Variants in TSHZ2 observed in about 807,000 individuals in gnomAD.
TSHZ2 encodes the protein teashirt zinc finger homeobox 2, also known as teashirt homolog 2.
A neutral mutation model predicts 74.4 loss-of-function variants in TSHZ2; 21 were observed. The observed-to-expected ratio is 0.28, with a 90% CI of 0.20 to 0.41. The LOEUF (loss-of-function observed/expected upper bound fraction) is 0.41, where lower values mean the gene tolerates loss of function less well. Among genes scored for constraint, TSHZ2 ranks in the 10% least tolerant of loss-of-function variants. TSHZ2 has a pLI of 1.00. For synonymous variants in TSHZ2, 540 were observed against 515.3 expected, an observed-to-expected ratio of 1.05 and a Z score of -0.65; for missense variants, 1,244 against 1,293.5, an observed-to-expected ratio of 0.96 and a Z score of 0.59.
chr20:53,419,970 GTCTC>G (rs1443928272), intron 2 of TSHZ2, among the ~76,000 whole-genome samples: 1 of 152,204 alleles, frequency 6.6e-6, no homozygotes, highest in African/African-American at 2.4e-5. Flanking sequence ...GCCCCTCTCT[GTCTC>G]TCTGCACCGT....
intron 2 of TSHZ2, among the ~76,000 whole-genome samples, chr20:53,466,072 C>A (rs915878692): frequency 6.6e-6 from 1 of 151,444 alleles, no homozygotes; most frequent in African/African-American, 2.4e-5. Flanking sequence ...GATGGTGAAA[C>A]CCCGTCTCTA....
chr20:53,079,430 A>C (rs907625085), intron 1 of TSHZ2, among the ~76,000 whole-genome samples: 3 of 152,238 alleles, frequency 2.0e-5, no homozygotes, highest in Admixed American at 6.5e-5. Flanking sequence ...GGAAGAGGTT[A>C]ATCTGCAGAG....
At chr20:53,147,584 G>T (rs1266444633) in intron 1 of TSHZ2, among the ~76,000 whole-genome samples, 1 of 152,142 alleles carries the variant, frequency 6.6e-6, no homozygotes, top group African/African-American at 2.4e-5. Context: ...TTGATTGTTG[G>T]TTGCCATATC....
Position 53,254,742 on chromosome 20 carries a change from A to C in TSHZ2, c.1284A>C (p.Lys428Asn). Residue 428 changes from lysine (K) to asparagine (N), a missense_variant, in exon 2 of 3, where the codon AAA becomes AAC. Transcript: ENST00000371497. Reference protein sequence around the residue: ...QLVLDPLAVEKMQSLSEAPNS... With the variant: ...QLVLDPLAVENMQSLSEAPNS... Reference sequence around the variant, plus strand: ...TATTAGACCCGTTAGCAGTGGAGAAAATGCAGTCGTTGTCTGAGGCCCCAA... The same window carrying C: ...TATTAGACCCGTTAGCAGTGGAGAACATGCAGTCGTTGTCTGAGGCCCCAA... The C allele has an allele frequency of 2.5e-6, 4 of 1,613,592 alleles. No homozygotes were observed. Among genetic ancestry groups the C allele is most frequent in the Non-Finnish European group, 3.4e-6 (4 of 1,179,606 alleles).
chr20:53,224,361 G>A (rs190388240), intron 1 of TSHZ2, among the ~76,000 whole-genome samples: 33 of 152,284 alleles, frequency 2.2e-4, no homozygotes, highest in African/African-American at 7.7e-4. Flanking sequence ...AAACAAGTTG[G>A]AATGAAACAA....
chr20:53,053,439 T>C (rs762118422), intron 1 of TSHZ2, among the ~76,000 whole-genome samples: 1 of 152,090 alleles, frequency 6.6e-6, no homozygotes, highest in Non-Finnish European at 1.5e-5. Context: ...AGGTCCTCTG[T>C]GAAAAGGTAG....
At chr20:53,430,058 A>G (rs1429549330) in intron 2 of TSHZ2, among the ~76,000 whole-genome samples, 6 of 152,140 alleles carry the variant, frequency 3.9e-5, no homozygotes, top group African/African-American at 1.4e-4. Flanking sequence ...AAACCCTACT[A>G]TATATCTATG....
At chr20:52,997,429 C>T (rs1045401780) in intron 1 of TSHZ2, among the ~76,000 whole-genome samples, 4 of 152,118 alleles carry the variant, frequency 2.6e-5, no homozygotes, top group Non-Finnish European at 4.4e-5. Context: ...CATACCAGTC[C>T]CTTAATCCTT....
chr20:53,237,115 C>T (rs866032443), intron 1 of TSHZ2, among the ~76,000 whole-genome samples: 2 of 152,138 alleles, frequency 1.3e-5, no homozygotes, highest in African/African-American at 4.8e-5. Context: ...TGAGACTGAT[C>T]TAAAACAACT....
At chr20:53,131,368 C>G (rs1050030998) in intron 1 of TSHZ2, among the ~76,000 whole-genome samples, 1 of 152,204 alleles carries the variant, frequency 6.6e-6, no homozygotes, top group African/African-American at 2.4e-5. Flanking sequence ...ATTCTCTTCT[C>G]TAAGGGTTTT....
At chr20:53,342,345 G>A (rs1033915736) in intron 2 of TSHZ2, among the ~76,000 whole-genome samples, 14 of 143,922 alleles carry the variant, frequency 9.7e-5, no homozygotes, top group Non-Finnish European at 1.3e-4. Context: ...GTTTTAAGGC[G>A]TACTGGTCAG....
At chr20:53,411,138 C>T (rs796125408) in intron 2 of TSHZ2, among the ~76,000 whole-genome samples, 10 of 152,192 alleles carry the variant, frequency 6.6e-5, no homozygotes, top group East Asian at 1.9e-4. Context: ...TTCTATAAGA[C>T]GGGAAGTGGG....
At chr20:53,468,688 C>CAAAAAAAAA (rs1158529552) in intron 2 of TSHZ2, among the ~76,000 whole-genome samples, 92 of 64,888 alleles carry the variant, frequency 1.4e-3, no homozygotes, top group East Asian at 2.2e-3. Context: ...CATTACGAGA[C>CAAAAAAAAA]AAAAAAAAAA....
At chr20:53,310,117 C>T (rs1978716212) in intron 2 of TSHZ2, among the ~76,000 whole-genome samples, 1 of 152,164 alleles carries the variant, frequency 6.6e-6, no homozygotes, top group Non-Finnish European at 1.5e-5. Flanking sequence ...AAAGCAAGAG[C>T]CCAGGAGACA....
rs867889860 is a variant in TSHZ2 at position 53,426,844 on chromosome 20, T to C, written c.*9-60300T>C. 6.6e-5 allele frequency among the ~76,000 whole-genome samples: 10 copies of C among 152,312 alleles called. No individual in the cohort carries two copies. In the Middle Eastern group the frequency reaches 0.01, roughly 155 times the overall value. ...CTCTTTGTGGCCCAGAGACAGAGCA[T>C]TGAGTGACTTCTTCAGAAAAGAGAT... On this transcript the variant is annotated intron_variant, in intron 2 of 2. Transcript: ENST00000371497.
At chr20:53,075,788 G>A (rs1985346551) in intron 1 of TSHZ2, among the ~76,000 whole-genome samples, 1 of 152,200 alleles carries the variant, frequency 6.6e-6, no homozygotes, top group Non-Finnish European at 1.5e-5. Context: ...GGCACACTGG[G>A]ACAAGTCAGC....
chr20:53,262,218 C>CTT lies in TSHZ2; in HGVS notation c.*8+5651_*8+5652dup, dbSNP rs11445157. On this transcript the variant is annotated intron_variant, in intron 2 of 2. Transcript: ENST00000371497. ...CAGTTTTCCTTGCATTTCTCTTTGT[C>CTT]TTTTTCTTTTTTTAACTATCAAGTT... Among the ~76,000 whole-genome samples the CTT allele has an allele frequency of 1.2e-3, 184 of 149,998 alleles. 1 individual carries two copies. Among genetic ancestry groups the CTT allele is most frequent in the South Asian group, 2.1e-3 (10 of 4,744 alleles).
intron 2 of TSHZ2, among the ~76,000 whole-genome samples, chr20:53,348,557 C>CG (rs1406173851): frequency 1.3e-5 from 2 of 151,634 alleles, no homozygotes; most frequent in African/African-American, 4.8e-5. Context: ...ATAGACCCCC[C>CG]CAAAAGAAAC....
chr20:53,468,896 C>T (rs1028589235), intron 2 of TSHZ2, among the ~76,000 whole-genome samples: 3 of 149,674 alleles, frequency 2.0e-5, no homozygotes, highest in Non-Finnish European at 4.4e-5. Flanking sequence ...TGTTCCAAGC[C>T]GACTATCATG....
Sources: allele counts gnomAD v4.1 joint callset (sites outside exome capture counted in the v4.1 genomes callset), GRCh38; gene constraint gnomAD v4.1.1; transcripts MANE v1.5; gene names NCBI Gene and HGNC (gene_info 2026-07-23, HGNC 2026-07-21).